PRCP: variants seen among roughly 807,000 people sequenced by gnomAD.
PRCP encodes lysosomal Pro-X carboxypeptidase.
PRCP carries 46 observed loss-of-function variants against 54.2 expected under a neutral mutation model. That is an observed-to-expected ratio of 0.85 (90% confidence interval 0.67 to 1.09). The LOEUF is 1.09. Among genes scored for constraint, PRCP ranks in the 50% least tolerant of loss-of-function variants. The pLI, the probability that PRCP is intolerant of heterozygous loss-of-function variation, is 0.00. For synonymous variants in PRCP, 240 were observed against 212.2 expected (o/e 1.13, Z -1.14); for missense variants, 613 against 596.8 (o/e 1.03, Z -0.28).
intron 1 of PRCP, among the ~76,000 whole-genome samples, chr11:82,877,899 G>A (rs1328397501): frequency 6.6e-6 from 1 of 152,196 alleles, no homozygotes; most frequent in Non-Finnish European, 1.5e-5. Flanking sequence ...CTTGTACCGT[G>A]AGCCTGGAAA....
chr11:82,893,090 C>G (rs1307942867), intron 1 of PRCP, among the ~76,000 whole-genome samples: 1 of 152,142 alleles, frequency 6.6e-6, no homozygotes. Context: ...GTCATTTAAC[C>G]AGTTCTAGCC....
intron 1 of PRCP, among the ~76,000 whole-genome samples, chr11:82,886,324 GC>G (rs1197940259): frequency 2.0e-5 from 3 of 151,770 alleles, no homozygotes; most frequent in African/African-American, 7.3e-5. Context: ...TCATTCTGTC[GC>G]CCATGCTGGA....
chr11:82,833,676 A>G (rs1340171948), intron 8 of PRCP, among the ~76,000 whole-genome samples: 1 of 152,154 alleles, frequency 6.6e-6, no homozygotes, highest in African/African-American at 2.4e-5. Context: ...TTTTTTGAGC[A>G]TAGATATTTG....
chr11:82,853,418 C>A, intron 2 of PRCP, 140 bp from the exon 3 acceptor site: 2 of 554,174 alleles, frequency 3.6e-6, no homozygotes, highest in East Asian at 6.5e-5. Flanking sequence ...GTGTTTGTTC[C>A]ACAAATAAAT....
At chr11:82,878,228 T>G (rs1434940512) in intron 1 of PRCP, among the ~76,000 whole-genome samples, 1 of 152,252 alleles carries the variant, frequency 6.6e-6, no homozygotes, top group East Asian at 1.9e-4. Flanking sequence ...TCTAGGCTCA[T>G]AAGCAGAAGG....
chr11:82,873,669 C>G (rs981742468), intron 1 of PRCP, among the ~76,000 whole-genome samples: 1 of 152,190 alleles, frequency 6.6e-6, no homozygotes, highest in Non-Finnish European at 1.5e-5. Context: ...TACATACAAA[C>G]ATAGTATTAC....
At chr11:82,859,874 T>C (rs888617296) in intron 2 of PRCP, 103 bp downstream of exon 2, 59 of 1,169,576 alleles carry the variant, frequency 5.0e-5, no homozygotes, top group Non-Finnish European at 5.9e-5. Context: ...AACTTTACAA[T>C]TAAGAACAGC....
rs1858169015 is a variant in PRCP at position 82,824,450 on chromosome 11, T to C, written c.*456A>G. 5.6e-6 allele frequency: 1 copy of C among 179,554 alleles called. No homozygotes were observed. Among genetic ancestry groups the C allele is most frequent in the African/African-American group, 2.4e-5 (1 of 41,758 alleles). The allele number at this position is 179,554 out of a possible 1,614,324, so 11.1% of individuals were successfully genotyped here. A position where few individuals can be genotyped will look rare whatever the true frequency, so the allele number is the denominator to read the frequency against. ...AAAGAAATGGCTCTCACTTCCTGGA[T>C]TGGCACCAGACATCCTACCAGCTGC... On this transcript the variant is annotated 3_prime_UTR_variant, in exon 9 of 9. Transcript: ENST00000313010.
chr11:82,829,949 T>C (rs1858336815), intron 8 of PRCP: 1 of 152,162 alleles, frequency 6.6e-6, no homozygotes, highest in African/African-American at 2.4e-5. Context: ...TTCAGCTGTG[T>C]GTTAATAGTG....
At chr11:82,841,439 G>T (rs1858669349) in intron 6 of PRCP, among the ~76,000 whole-genome samples, 1 of 152,112 alleles carries the variant, frequency 6.6e-6, no homozygotes, top group Admixed American at 6.5e-5. Context: ...TAGCAAATGT[G>T]AACAGTTTTC....
At chr11:82,860,934 A>G (rs1859193349) in intron 1 of PRCP, among the ~76,000 whole-genome samples, 1 of 152,172 alleles carries the variant, frequency 6.6e-6, no homozygotes, top group African/African-American at 2.4e-5. Flanking sequence ...ATGGAGAGTT[A>G]TATTTAAAGA....
upstream of PRCP, chr11:82,900,815 C>T (rs972353080): frequency 8.6e-6 from 4 of 463,466 alleles, no homozygotes; most frequent in Non-Finnish European, 1.7e-5. Context: ...GCCCTGGCCA[C>T]CGCAATTCCA....
At chr11:82,848,371 C>T (rs1014779923) in intron 6 of PRCP, among the ~76,000 whole-genome samples, 1 of 152,226 alleles carries the variant, frequency 6.6e-6, no homozygotes, top group Non-Finnish European at 1.5e-5. Flanking sequence ...AAGTGTTTCA[C>T]ATCCAACATT....
chr11:82,872,006 G>A (rs1458286830), intron 1 of PRCP, among the ~76,000 whole-genome samples: 6 of 152,212 alleles, frequency 3.9e-5, no homozygotes, highest in African/African-American at 7.2e-5. Context: ...CAGAAAATAG[G>A]TGAGTACAGT....
chr11:82,895,139 C>T (rs959352811), intron 1 of PRCP, among the ~76,000 whole-genome samples: 6 of 152,186 alleles, frequency 3.9e-5, no homozygotes, highest in Non-Finnish European at 7.3e-5. Context: ...CTGTTATGCA[C>T]TGTGCTAAAT....
At chr11:82,856,425 C>A (rs1859083175) in intron 2 of PRCP, among the ~76,000 whole-genome samples, 1 of 152,152 alleles carries the variant, frequency 6.6e-6, no homozygotes, top group African/African-American at 2.4e-5. Context: ...CAACAGGAAA[C>A]CAAACACTGC....
rs1056565029 is a variant in PRCP at position 82,893,221 on chromosome 11, G to A, written c.168+7014C>T. The stretch of plus-strand genomic sequence containing the variant: ...AAGCATATGCTAAAAAGGAAACCCC[G>A]ATCAGCCACTTAGTCTCTGAGTGAA... On this transcript the variant is annotated intron_variant, in intron 1 of 8. Transcript: ENST00000313010. Among the ~76,000 whole-genome samples, 10 of 152,146 alleles carry A rather than the reference G, an allele frequency of 6.6e-5. 1 individual carries two copies. Among genetic ancestry groups the A allele is most frequent in the Admixed American group, 4.6e-4 (7 of 15,276 alleles).
intron 1 of PRCP, among the ~76,000 whole-genome samples, chr11:82,883,063 A>G (rs1591069761): frequency 6.6e-6 from 1 of 152,228 alleles, no homozygotes; most frequent in African/African-American, 2.4e-5. Context: ...AGCTTGAGCC[A>G]GTTATTTGTC....
Position 82,895,876 on chromosome 11 carries a change from A to T in PRCP, c.168+4359T>A, listed in dbSNP as rs371382410. Among the ~76,000 whole-genome samples the T allele has an allele frequency of 1.9e-4, 29 of 152,344 alleles. No homozygotes were observed. The East Asian group carries it at 4.6e-3, about 24-fold the overall frequency. The stretch of plus-strand genomic sequence containing the variant: ...TTGAAAGTGGAACTATAAAGGATGT[A>T]CATAAATTTAAATAGCTTAGCCCAC... On this transcript the variant is annotated intron_variant, in intron 1 of 8. Transcript: ENST00000313010.
Sources: allele counts gnomAD v4.1 joint callset (sites outside exome capture counted in the v4.1 genomes callset), GRCh38; gene constraint gnomAD v4.1.1; transcripts MANE v1.5; gene names NCBI Gene and HGNC (gene_info 2026-07-23, HGNC 2026-07-21).